Variants in DSE observed in about 807,000 individuals in gnomAD.
DSE encodes dermatan-sulfate epimerase.
In DSE, 36 loss-of-function variants were observed where a neutral mutation model predicts 84.4. The ratio of observed to expected loss-of-function variants is 0.43; its 90% CI spans 0.33 to 0.56. The LOEUF (loss-of-function observed/expected upper bound fraction) is 0.56. DSE is among the 20% of genes least tolerant of loss of function. DSE has a pLI of 0.06. For missense variants in DSE, 862 were observed against 1,169.6 expected (o/e 0.74, Z 3.84); for synonymous variants, 410 against 430.1 (o/e 0.95, Z 0.58).
Position 116,348,766 on chromosome 6 carries a change from A to G in DSE, c.-53-50432A>G, listed in dbSNP as rs1246451160. Among the ~76,000 whole-genome samples, 52 of 152,240 alleles carry G rather than the reference A, an allele frequency of 3.4e-4. 1 individual carries two copies. Among genetic ancestry groups the G allele is most frequent in the Admixed American group, 3.4e-3 (52 of 15,286 alleles). On this transcript the variant is annotated intron_variant, in intron 2 of 3. Transcript: ENST00000430252. ...ATAGACTGGATTAAGAACATGTGGC[A>G]CATATACACCATGGAATACTATGCA...
At chr6:116,385,126 A>G (rs370183793) in intron 1 of DSE, among the ~76,000 whole-genome samples, 46 of 152,318 alleles carry the variant, frequency 3.0e-4, no homozygotes, top group African/African-American at 1.1e-3. Context: ...CACCTCATGT[A>G]TACAGGAATA....
At chr6:116,419,797 A>G (rs1026422628) in intron 2 of DSE, among the ~76,000 whole-genome samples, 8 of 152,202 alleles carry the variant, frequency 5.3e-5, no homozygotes, top group African/African-American at 1.9e-4. Context: ...TTAAACGCAA[A>G]TCTTCTACTT....
intron 2 of DSE, chr6:116,279,523 G>A (rs771492612): frequency 6.2e-7 from 1 of 1,607,790 alleles, no homozygotes; most frequent in East Asian, 2.2e-5. Context: ...TTCGGCGGGA[G>A]GCTGGCCCTC....
At chr6:116,384,947 G>T (rs1348251299) in intron 1 of DSE, among the ~76,000 whole-genome samples, 1 of 152,190 alleles carries the variant, frequency 6.6e-6, no homozygotes. Context: ...AATGGTAATG[G>T]TTGGACTTGG....
At chr6:116,293,239 A>G (rs1465163873) in intron 2 of DSE, among the ~76,000 whole-genome samples, 2 of 151,940 alleles carry the variant, frequency 1.3e-5, no homozygotes, top group African/African-American at 2.4e-5. Flanking sequence ...TGTGATATTG[A>G]GTTCAAGGTG....
At chr6:116,334,010 GTTTGACTC>G (rs1356375499) in intron 2 of DSE, among the ~76,000 whole-genome samples, 1 of 152,080 alleles carries the variant, frequency 6.6e-6, no homozygotes. Context: ...TGTGAAAGAA[GTTTGACTC>G]TTTGCTATAC....
intron 2 of DSE, among the ~76,000 whole-genome samples, chr6:116,330,271 T>G (rs1776860705): frequency 6.6e-6 from 1 of 152,248 alleles, no homozygotes; most frequent in South Asian, 2.1e-4. Context: ...TTTCTGGACA[T>G]AATTATTATT....
chr6:116,426,845 C>T lies in DSE; in HGVS notation c.670+18C>T, dbSNP rs1308176186. ...GAATCAAGGTGGGTGTGGACACAGC[C>T]AAGGTGATGCCTGAGCTGACGGAAG... On this transcript the variant is annotated intron_variant, in intron 3 of 5. Transcript: ENST00000644252. 5.6e-6 allele frequency: 9 copies of T among 1,597,062 alleles called. No individual in the cohort carries two copies. Among genetic ancestry groups the T allele is most frequent in the Non-Finnish European group, 7.7e-6 (9 of 1,168,248 alleles).
At chr6:116,309,046 C>G (rs1775510814) in intron 2 of DSE, among the ~76,000 whole-genome samples, 1 of 151,980 alleles carries the variant, frequency 6.6e-6, no homozygotes, top group African/African-American at 2.4e-5. Context: ...ATTAAAATTT[C>G]TAATTGATTA....
intron 2 of DSE, among the ~76,000 whole-genome samples, chr6:116,335,191 G>C (rs1050617795): frequency 3.3e-5 from 5 of 152,194 alleles, no homozygotes; most frequent in African/African-American, 1.2e-4. Flanking sequence ...ATACTATGCA[G>C]CCATAAAAAG....
intron 2 of DSE, among the ~76,000 whole-genome samples, chr6:116,352,520 C>T (rs1778363995): frequency 6.6e-6 from 1 of 152,076 alleles, no homozygotes; most frequent in African/African-American, 2.4e-5. Flanking sequence ...AGTGGTTCTC[C>T]AAGCATAAGG....
intron 2 of DSE, among the ~76,000 whole-genome samples, chr6:116,417,067 T>C (rs1458254479): frequency 6.6e-6 from 1 of 152,210 alleles, no homozygotes; most frequent in Non-Finnish European, 1.5e-5. Context: ...ATTTGATATG[T>C]AAGTGTATTT....
chr6:116,404,308 T>C (rs962099824), intron 2 of DSE, among the ~76,000 whole-genome samples: 7 of 152,240 alleles, frequency 4.6e-5, no homozygotes, highest in Non-Finnish European at 8.8e-5. Context: ...CTTAATAATA[T>C]GGGAAGATGA....
intron 2 of DSE, among the ~76,000 whole-genome samples, chr6:116,287,727 C>A (rs948890849): frequency 6.6e-6 from 1 of 152,042 alleles, no homozygotes; most frequent in Non-Finnish European, 1.5e-5. Context: ...ATCCATGACA[C>A]CACCTAATAA....
chr6:116,311,720 A>G (rs933581705), intron 2 of DSE, among the ~76,000 whole-genome samples: 4 of 152,186 alleles, frequency 2.6e-5, no homozygotes, highest in Non-Finnish European at 5.9e-5. Flanking sequence ...TTGTGTATGG[A>G]ATGCTCTTCT....
chr6:116,439,364 T>C lies in DSE; in HGVS notation c.*2019T>C, dbSNP rs1784352358. ...CCACAGCATGATCCAGTGTAACATA[T>C]TAGTTCATTTTAAAGTAGTCTTTTT... On this transcript the variant is annotated 3_prime_UTR_variant, in exon 6 of 6. Transcript: ENST00000644252. The C allele has an allele frequency of 6.6e-6, 1 of 152,150 alleles. No individual in the cohort carries two copies. The highest frequency in any genetic ancestry group is 1.5e-5 in the Non-Finnish European group (1 of 68,008). 9.4% of individuals were successfully genotyped at this position (152,150 alleles called of 1,614,324 possible). A position where few individuals can be genotyped will look rare whatever the true frequency, so the allele number is the denominator to read the frequency against.
chr6:116,258,522 A>G (rs770457817), exon 2 of DSE: 1 of 1,297,452 alleles, frequency 7.7e-7, no homozygotes, highest in South Asian at 1.2e-5. Flanking sequence ...ACATGCTCCA[A>G]GAAGGCCACA....
Position 116,299,557 on chromosome 6 carries a change from TACACACACACACACAC to T in DSE, c.-54+40592_-54+40607del, listed in dbSNP as rs1167347090. ...ATATATATATATATATATATACACA[TACACACACACACACAC>T]ATACATATATATGTATGTATATGTG... On this transcript the variant is annotated intron_variant, in intron 2 of 3. Coordinates refer to the DSE transcript ENST00000430252. Among the ~76,000 whole-genome samples the T allele has an allele frequency of 5.8e-5, 4 of 69,298 alleles. 1 individual carries two copies. Among genetic ancestry groups the T allele is most frequent in the African/African-American group, 2.1e-4 (4 of 19,142 alleles). The allele number at this position is 69,298 out of a possible 152,430, so 45.5% of individuals were successfully genotyped here.
chr6:116,437,104 G>A lies in DSE; in HGVS notation c.2636G>A (p.Arg879Gln), dbSNP rs776708834. ...KHKNGGLIKG[R>Q]FGQARMVTTT... ...AAAAATGGGGGCTTGATTAAAGGCC[G>A]GTTTGGACAGGCACGGATGGTGACA... is the stretch of plus-strand genomic sequence containing the variant. The change falls in exon 6 of 6, where the codon CGG becomes CAG. Residue 879 changes from arginine to glutamine, a missense_variant. Arg to Gln is a conservative substitution (Grantham distance 43). Around this residue, in one of 4 missense-constraint regions of DSE, gnomAD observed 315 missense variants for 348.1 expected, o/e 0.90. Coordinates refer to ENST00000644252, the MANE Select transcript of DSE (RefSeq NM_013352.4). 3.7e-6 allele frequency: 6 copies of A among 1,613,966 alleles called. No individual in the cohort carries two copies. Among genetic ancestry groups the A allele is most frequent in the African/African-American group, 2.7e-5 (2 of 74,882 alleles).
Sources: allele counts gnomAD v4.1 joint callset (sites outside exome capture counted in the v4.1 genomes callset), GRCh38; gene constraint gnomAD v4.1.1; regional missense constraint gnomAD v4.1.1; transcripts MANE v1.5; gene names NCBI Gene and HGNC (gene_info 2026-07-23, HGNC 2026-07-21).